Variants in GIN1 observed in about 807,000 individuals in gnomAD.
GIN1 encodes gypsy retrotransposon integrase 1, also known as gypsy retrotransposon integrase-like protein 1.
A neutral mutation model predicts 51.4 loss-of-function variants in GIN1; 41 were observed. The ratio of observed to expected loss-of-function variants is 0.80; its 90% CI spans 0.62 to 1.04. GIN1 has a LOEUF of 1.04. Ranked by LOEUF, GIN1 falls within the 50% of genes least tolerant of loss-of-function variation. The probability of loss-of-function intolerance (pLI) is 0.00; values close to 1 mark genes in which losing one functional copy is unlikely to be tolerated. For synonymous variants in GIN1, 222 were observed against 206.5 expected, an observed-to-expected ratio of 1.07 and a Z score of -0.64; for missense variants, 610 against 612.4, an observed-to-expected ratio of 1.00 and a Z score of 0.04.
At chr5:103,119,094 T>C (rs1788229947) in intron 1 of GIN1, among the ~76,000 whole-genome samples, 1 of 152,194 alleles carries the variant, frequency 6.6e-6, no homozygotes, top group Non-Finnish European at 1.5e-5. Flanking sequence ...GCAAATAAAA[T>C]CAACTCATTG....
rs781907820 is a variant in GIN1 at position 103,088,125 on chromosome 5, T to C, written c.1342A>G (p.Ile448Val). 1.6e-5 allele frequency: 26 copies of C among 1,608,508 alleles called. No individual in the cohort carries two copies. The highest frequency in any genetic ancestry group is 2.2e-5 in the South Asian group (2 of 90,688). ...QGSVVADHDY[I>V]GLPEIPIGAY... ...CCAATCGGAATTTCAGGCAATCCAA[T>C]GTAGTCATGATCTGCCACTACTGAA... The change falls in exon 8 of 8, where the codon ATT (isoleucine) becomes GTT (valine). Residue 448 changes from isoleucine (I) to valine (V), a missense_variant. By Grantham distance (29) the Ile-to-Val change is conservative. Transcript: ENST00000399004.
intron 1 of GIN1, among the ~76,000 whole-genome samples, chr5:103,111,839 G>GA (rs1787894435): frequency 6.6e-6 from 1 of 152,110 alleles, no homozygotes; most frequent in African/African-American, 2.4e-5. Flanking sequence ...ACCTCCTGGA[G>GA]AGACCAGAAA....
At chr5:103,096,221 T>C (rs913190835) in intron 7 of GIN1, among the ~76,000 whole-genome samples, 6 of 152,046 alleles carry the variant, frequency 3.9e-5, no homozygotes, top group African/African-American at 1.2e-4. Flanking sequence ...TATCCACCTG[T>C]AGTCCCAGCT....
intron 1 of GIN1, among the ~76,000 whole-genome samples, chr5:103,111,336 TTAA>T (rs1787876651): frequency 6.6e-6 from 1 of 152,100 alleles, no homozygotes; most frequent in South Asian, 2.1e-4. Flanking sequence ...TACTGTAAAA[TTAA>T]TAATATACTA....
intron 7 of GIN1, among the ~76,000 whole-genome samples, chr5:103,090,202 T>C (rs532855860): frequency 4.6e-5 from 7 of 152,280 alleles, no homozygotes; most frequent in African/African-American, 1.4e-4. Context: ...GGTGAGAGAA[T>C]TGCTTGAACC....
intron 1 of GIN1, among the ~76,000 whole-genome samples, chr5:103,109,631 C>A (rs1371894668): frequency 6.6e-6 from 1 of 152,134 alleles, no homozygotes; most frequent in African/African-American, 2.4e-5. Flanking sequence ...AATGTTAACA[C>A]AGTCCCATCA....
At chr5:103,105,694 C>T (rs1787704651) in intron 3 of GIN1, among the ~76,000 whole-genome samples, 1 of 152,130 alleles carries the variant, frequency 6.6e-6, no homozygotes, top group African/African-American at 2.4e-5. Context: ...TGGAATTCCA[C>T]TCTAGAAACT....
At chr5:103,103,737 G>C (rs1345630985) in intron 4 of GIN1, among the ~76,000 whole-genome samples, 5 of 152,126 alleles carry the variant, frequency 3.3e-5, no homozygotes, top group Non-Finnish European at 7.4e-5. Flanking sequence ...TGAAGAAAAT[G>C]TATTCTTCCA....
Position 103,097,694 on chromosome 5 carries a change from G to T in GIN1, c.727C>A (p.Pro243Thr), listed in dbSNP as rs782443692. ...GAGAGAAATGCTTTGATTGTGTTAG[G>T]TGTACTTTCCGTTGGGTTAACAGTT... ...SGTVNPTEST[P>T]NTIKAFLSKH... Residue 243 changes from proline to threonine, a missense_variant, in exon 5 of 8, where the codon CCT becomes ACT. Coordinates refer to ENST00000399004, the MANE Select transcript of GIN1 (RefSeq NM_017676.2). The T allele has an allele frequency of 5.8e-5, 93 of 1,600,092 alleles. No homozygotes were observed. Among genetic ancestry groups the T allele is most frequent in the Admixed American group, 2.2e-4 (13 of 59,968 alleles).
intron 3 of GIN1, 85 bp downstream of exon 3, chr5:103,106,631 C>T (rs1787731237): frequency 1.3e-6 from 1 of 785,984 alleles, no homozygotes; most frequent in African/African-American, 1.9e-5. Context: ...AGAGGTGATA[C>T]CCAGAATAAA....
chr5:103,101,349 G>A (rs1178844948), intron 4 of GIN1, among the ~76,000 whole-genome samples: 2 of 152,202 alleles, frequency 1.3e-5, no homozygotes, highest in African/African-American at 4.8e-5. Flanking sequence ...ACTATACGCA[G>A]AATGGTGTGC....
At chr5:103,111,630 C>A (rs2151475822) in intron 1 of GIN1, among the ~76,000 whole-genome samples, 1 of 152,270 alleles carries the variant, frequency 6.6e-6, no homozygotes, top group South Asian at 2.1e-4. Context: ...AAAGACCAAA[C>A]TCTCACACCT....
Position 103,087,515 on chromosome 5 carries a change from A to G in GIN1, c.*383T>C, listed in dbSNP as rs535912995. ...GTTACAGTTGATTCAGTATTTATCA[A>G]TTCCATTCAAGGTAGTTCAAACTTA... On this transcript the variant is annotated 3_prime_UTR_variant, in exon 8 of 8. Transcript: ENST00000399004. 1.3e-5 allele frequency: 2 copies of G among 154,692 alleles called. No individual in the cohort carries two copies. Among genetic ancestry groups the G allele is most frequent in the African/African-American group, 4.8e-5 (2 of 41,562 alleles). The allele number at this position is 154,692 out of a possible 1,614,324, so 9.6% of individuals were successfully genotyped here.
At chr5:103,093,877 T>TA (rs1787323318) in intron 7 of GIN1, among the ~76,000 whole-genome samples, 1 of 152,158 alleles carries the variant, frequency 6.6e-6, no homozygotes, top group Non-Finnish European at 1.5e-5. Flanking sequence ...CTGCTTAAAA[T>TA]AGCAATGAAA....
chr5:103,097,071 TAC>T (rs1787418708), intron 6 of GIN1, among the ~76,000 whole-genome samples: 1 of 84,868 alleles, frequency 1.2e-5, no homozygotes. Context: ...CAGTTAAGAC[TAC>T]AGATTTGAAT....
At position 103,095,223 on chromosome 5, in the gene GIN1, C is replaced by T. The variant is rs114233974; in HGVS notation, c.1294+1318G>A. On this transcript the variant is annotated intron_variant, in intron 7 of 7. Transcript: ENST00000399004. Reference sequence around the variant, plus strand: ...CACCTGGCTAAGTTACTCATTAACTCTCTCTCAGTTATCCACCTCAGAGAA... The same window carrying T: ...CACCTGGCTAAGTTACTCATTAACTTTCTCTCAGTTATCCACCTCAGAGAA... Among the ~76,000 whole-genome samples the T allele has an allele frequency of 6.8e-3, 1,028 of 152,276 alleles. 7 individuals are homozygous for T. Among genetic ancestry groups the T allele is most frequent in the Non-Finnish European group, 0.013 (858 of 68,030 alleles).
At chr5:103,097,010 A>G (rs1312024568) in intron 6 of GIN1, among the ~76,000 whole-genome samples, 184 bp from the exon 7 acceptor site, 1 of 152,254 alleles carries the variant, frequency 6.6e-6, no homozygotes, top group Non-Finnish European at 1.5e-5. Context: ...TTTATATAGA[A>G]GGTAAACTAA....
Position 103,106,826 on chromosome 5 carries a change from T to G in GIN1, c.223A>C (p.Arg75=), listed in dbSNP as rs782753746. The G allele has an allele frequency of 6.2e-7, 1 of 1,603,528 alleles. No individual in the cohort carries two copies. Among genetic ancestry groups the G allele is most frequent in the Non-Finnish European group, 8.5e-7 (1 of 1,172,910 alleles). The change falls in exon 3 of 8, where the codon AGA becomes CGA. Residue 75 remains arginine, a synonymous_variant. Transcript: ENST00000399004. ...CCACTGTCATTTTCATGGCATTCTCTTAAGACTTTCTTTTTTTCCTCTTCT... is the reference window on the plus strand; with the variant it reads ...CCACTGTCATTTTCATGGCATTCTCGTAAGACTTTCTTTTTTTCCTCTTCT... ...VSEEEKKKVL[R]ECHENDSGAH...
At chr5:103,105,683 C>T (rs191091578) in intron 3 of GIN1, among the ~76,000 whole-genome samples, 4 of 152,236 alleles carry the variant, frequency 2.6e-5, no homozygotes, top group South Asian at 4.1e-4. Flanking sequence ...CAATGTATCT[C>T]TGGAATTCCA....
Sources: allele counts gnomAD v4.1 joint callset (sites outside exome capture counted in the v4.1 genomes callset), GRCh38; gene constraint gnomAD v4.1.1; transcripts MANE v1.5; gene names NCBI Gene and HGNC (gene_info 2026-07-23, HGNC 2026-07-21).